Variants in PID1 observed in about 807,000 individuals in gnomAD.
The protein encoded by PID1 is phosphotyrosine interaction domain containing 1, also known as PTB-containing, cubilin and LRP1-interacting protein.
PID1 carries 10 observed loss-of-function variants against 19.1 expected under a neutral mutation model. That is an observed-to-expected ratio of 0.52 (90% confidence interval 0.32 to 0.89). The LOEUF is 0.89. PID1 is among the 40% of genes least tolerant of loss of function. The probability of loss-of-function intolerance (pLI) is 0.03; values close to 1 mark genes in which losing one functional copy is unlikely to be tolerated. For missense variants in PID1, 248 were observed against 285.3 expected (o/e 0.87, Z 0.94); for synonymous variants, 130 against 116.0 (o/e 1.12, Z -0.78).
chr2:229,098,020 C>T (rs1471308704), intron 2 of PID1, among the ~76,000 whole-genome samples: 1 of 152,152 alleles, frequency 6.6e-6, no homozygotes, highest in Non-Finnish European at 1.5e-5. Context: ...AGCTTTAGGT[C>T]CAACAAAAGT....
chr2:229,206,880 C>T (rs749767483), intron 1 of PID1, among the ~76,000 whole-genome samples: 5 of 152,066 alleles, frequency 3.3e-5, no homozygotes, highest in East Asian at 1.9e-4. Context: ...TAGGAATCAC[C>T]GAGGGATTTT....
intron 2 of PID1, among the ~76,000 whole-genome samples, chr2:229,071,704 G>A (rs1443031713): frequency 6.6e-6 from 1 of 152,138 alleles, no homozygotes; most frequent in Non-Finnish European, 1.5e-5. Context: ...AGTTAGAAGG[G>A]AAGAATCTAT....
intron 1 of PID1, among the ~76,000 whole-genome samples, chr2:229,219,451 G>A (rs1026874024): frequency 6.6e-6 from 1 of 152,242 alleles, no homozygotes; most frequent in African/African-American, 2.4e-5. Context: ...GAAGGAAACC[G>A]CCCCCATGAT....
intron 2 of PID1, among the ~76,000 whole-genome samples, chr2:229,145,093 G>T (rs1394660055): frequency 1.4e-5 from 2 of 146,158 alleles, no homozygotes; most frequent in African/African-American, 5.1e-5. Flanking sequence ...TAATGCAAAA[G>T]GTGAATAGAA....
intron 1 of PID1, among the ~76,000 whole-genome samples, chr2:229,256,727 G>T (rs1690308704): frequency 6.6e-6 from 1 of 152,078 alleles, no homozygotes; most frequent in Admixed American, 6.5e-5. Flanking sequence ...TTATTCCTAG[G>T]GTACCCTTGG....
intron 2 of PID1, among the ~76,000 whole-genome samples, chr2:229,039,663 T>C (rs1233436183): frequency 6.6e-6 from 1 of 152,198 alleles, no homozygotes; most frequent in African/African-American, 2.4e-5. Context: ...ACTCGTAGTA[T>C]CACATAATTA....
At chr2:229,125,375 AT>A (rs1328055294) in intron 2 of PID1, among the ~76,000 whole-genome samples, 1 of 149,880 alleles carries the variant, frequency 6.7e-6, no homozygotes, top group African/African-American at 2.5e-5. Context: ...TTACTGCAGC[AT>A]AACATTCCAC....
rs147349804 is a variant in PID1, at chr2:229,202,566, T to C, written c.31-46602A>G. 2.9e-3 allele frequency among the ~76,000 whole-genome samples: 443 copies of C among 152,106 alleles called. 3 individuals are homozygous for C. Among genetic ancestry groups the C allele is most frequent in the African/African-American group, 0.01 (431 of 41,502 alleles). On this transcript the variant is annotated intron_variant, in intron 1 of 2. Coordinates refer to ENST00000392055, the MANE Select transcript of PID1 (RefSeq NM_001100818.2). ...GTACTCCAGTTGCCTGATGTACTGTTCACAAGATACTTTCAGATTCCACCA... is the reference window on the plus strand; with the variant it reads ...GTACTCCAGTTGCCTGATGTACTGTCCACAAGATACTTTCAGATTCCACCA...
chr2:229,262,531 G>C (rs1041658649), intron 1 of PID1, among the ~76,000 whole-genome samples: 1 of 152,196 alleles, frequency 6.6e-6, no homozygotes, highest in African/African-American at 2.4e-5. Context: ...GTCGCAGTAT[G>C]TGAAAGTTGG....
In PID1 at chr2:229,221,289, C is replaced by T. The variant is rs548190669; in HGVS notation, c.30+49725G>A. ...TCTGAAAGTCCTGAGTACTTTAGAG[C>T]CATGTATCTACTGCATCACTTTCCT... On this transcript the variant is annotated intron_variant, in intron 1 of 2. Coordinates refer to ENST00000392055, the MANE Select transcript of PID1 (RefSeq NM_001100818.2). Among the ~76,000 whole-genome samples, 9 of 152,248 alleles carry T rather than the reference C, an allele frequency of 5.9e-5. No individual in the cohort carries two copies. In the South Asian group the frequency reaches 1.9e-3, roughly 32 times the overall value.
chr2:229,149,152 T>C (rs1163990571), intron 2 of PID1, among the ~76,000 whole-genome samples: 1 of 151,908 alleles, frequency 6.6e-6, no homozygotes, highest in Non-Finnish European at 1.5e-5. Context: ...ATAATTGGCA[T>C]AGGATTCAAG....
At chr2:229,055,825 C>T (rs1157356329) in intron 2 of PID1, among the ~76,000 whole-genome samples, 2 of 152,174 alleles carry the variant, frequency 1.3e-5, no homozygotes, top group Non-Finnish European at 2.9e-5. Flanking sequence ...TAACTCATTT[C>T]TAGTGCTTTA....
chr2:229,094,994 T>C (rs1694946477), intron 2 of PID1, among the ~76,000 whole-genome samples: 1 of 152,180 alleles, frequency 6.6e-6, no homozygotes, highest in Non-Finnish European at 1.5e-5. Context: ...TAATAACAGA[T>C]AGCGTGAGCC....
chr2:229,145,274 T>C (rs1219845052), intron 2 of PID1, among the ~76,000 whole-genome samples: 2 of 150,618 alleles, frequency 1.3e-5, no homozygotes, highest in Non-Finnish European at 3.0e-5. Context: ...GAAGTTATTA[T>C]AATCTTTGGA....
intron 2 of PID1, among the ~76,000 whole-genome samples, chr2:229,127,247 T>C (rs920996849): frequency 1.3e-5 from 2 of 152,170 alleles, no homozygotes; most frequent in East Asian, 1.9e-4. Flanking sequence ...ACATAACCTC[T>C]CTGTTTTCTG....
chr2:229,154,210 A>G (rs1690317919), intron 2 of PID1, among the ~76,000 whole-genome samples: 1 of 151,928 alleles, frequency 6.6e-6, no homozygotes, highest in Non-Finnish European at 1.5e-5. Flanking sequence ...TGATTCCCCC[A>G]TCATAATTAG....
At chr2:229,075,469 A>C (rs569375292) in intron 2 of PID1, among the ~76,000 whole-genome samples, 2 of 152,332 alleles carry the variant, frequency 1.3e-5, no homozygotes, top group East Asian at 1.9e-4. Context: ...TTTATAGAAA[A>C]AAACAAGACA....
intron 2 of PID1, among the ~76,000 whole-genome samples, chr2:229,086,636 C>T (rs1350881382): frequency 6.6e-6 from 1 of 152,086 alleles, no homozygotes; most frequent in East Asian, 1.9e-4. Context: ...TTTCATTTTA[C>T]TTACGTGAAA....
chr2:229,240,364 T>A (rs1483097364), intron 1 of PID1, among the ~76,000 whole-genome samples: 1 of 152,144 alleles, frequency 6.6e-6, no homozygotes, highest in Non-Finnish European at 1.5e-5. Flanking sequence ...AGAACTTCTC[T>A]ATTACTGAGA....
Sources: allele counts gnomAD v4.1 joint callset (sites outside exome capture counted in the v4.1 genomes callset), GRCh38; gene constraint gnomAD v4.1.1; transcripts MANE v1.5; gene names NCBI Gene and HGNC (gene_info 2026-07-23, HGNC 2026-07-21).